Variants in KLHL29 observed in about 807,000 individuals in gnomAD.
The protein encoded by KLHL29 is kelch like family member 29, also known as kelch-like protein 29.
KLHL29 carries 21 observed loss-of-function variants against 80.4 expected under a neutral mutation model. That is an observed-to-expected ratio of 0.26 (90% CI 0.19 to 0.38). The LOEUF (loss-of-function observed/expected upper bound fraction) is 0.38. Ranked by LOEUF, KLHL29 falls within the 10% of genes least tolerant of loss-of-function variation. The pLI is 1.00. For synonymous variants in KLHL29, 511 were observed against 526.8 expected (o/e 0.97, Z 0.41); for missense variants, 867 against 1,223.9 (o/e 0.71, Z 4.35).
intron 2 of KLHL29, among the ~76,000 whole-genome samples, chr2:23,477,909 G>A (rs1664681613): frequency 6.6e-6 from 1 of 152,226 alleles, no homozygotes; most frequent in Non-Finnish European, 1.5e-5. Flanking sequence ...TTGACCCTTA[G>A]TTTGGGGTCT....
chr2:23,674,475 A>G (rs1328059855), intron 5 of KLHL29, among the ~76,000 whole-genome samples: 1 of 152,072 alleles, frequency 6.6e-6, no homozygotes, highest in Admixed American at 6.5e-5. Context: ...GGGCACTCAG[A>G]GCTCTCCAAG....
intron 1 of KLHL29, among the ~76,000 whole-genome samples, chr2:23,403,544 C>T (rs1666645112): frequency 6.6e-6 from 1 of 152,156 alleles, no homozygotes; most frequent in African/African-American, 2.4e-5. Flanking sequence ...TGCCAGCATT[C>T]TCAAATAACT....
chr2:23,575,765 GGA>G (rs1667827400), intron 3 of KLHL29, among the ~76,000 whole-genome samples: 1 of 152,106 alleles, frequency 6.6e-6, no homozygotes, highest in Non-Finnish European at 1.5e-5. Flanking sequence ...TGATAGAGGA[GGA>G]GAGAGAGAGG....
intron 7 of KLHL29, among the ~76,000 whole-genome samples, chr2:23,692,094 T>C (rs1671648284): frequency 6.6e-6 from 1 of 152,208 alleles, no homozygotes; most frequent in African/African-American, 2.4e-5. Flanking sequence ...CTCCGTGTCA[T>C]TTCTCTGTAG....
chr2:23,444,356 T>C (rs62125373), intron 1 of KLHL29, among the ~76,000 whole-genome samples: 9,260 of 152,250 alleles, frequency 0.061, 349 homozygotes, highest in African/African-American at 0.11. Flanking sequence ...TTGTTTTTGC[T>C]CTTGTTGCCC....
intron 1 of KLHL29, among the ~76,000 whole-genome samples, chr2:23,469,026 T>C (rs193180589): frequency 6.6e-6 from 1 of 152,354 alleles, no homozygotes; most frequent in African/African-American, 2.4e-5. Flanking sequence ...TGTTGCTTTC[T>C]TCTCATGGCT....
rs1255596381 is a variant in KLHL29 at position 23,647,606 on chromosome 2, A to G, written c.940+4756A>G. On this transcript the variant is annotated intron_variant, in intron 5 of 13. Coordinates refer to ENST00000486442, the MANE Select transcript of KLHL29 (RefSeq NM_052920.2). The surrounding 1 kb of genome is among the most constrained non-coding windows in gnomAD (Gnocchi z 4.9). ...GGCCTGCACACTGGCCTCCCAGCCCACAGTGCATTCCTTCCAGTCTGGCTC... is the reference window on the plus strand; with the variant it reads ...GGCCTGCACACTGGCCTCCCAGCCCGCAGTGCATTCCTTCCAGTCTGGCTC... Among the ~76,000 whole-genome samples the G allele has an allele frequency of 6.6e-6, 1 of 152,122 alleles. No homozygotes were observed. Among genetic ancestry groups the G allele is most frequent in the Non-Finnish European group, 1.5e-5 (1 of 68,020 alleles).
chr2:23,546,126 CA>C lies in KLHL29; in HGVS notation c.-45-16025del, dbSNP rs1231505435. On this transcript the variant is annotated intron_variant, in intron 2 of 13. Transcript: ENST00000486442. ...CAGACCCTCTCAGGGGCCCTGACCCCATCATCCCCATTGTCCTTAGGGTGCC... is the reference window on the plus strand; with the variant it reads ...CAGACCCTCTCAGGGGCCCTGACCCCTCATCCCCATTGTCCTTAGGGTGCC... 5.9e-5 allele frequency among the ~76,000 whole-genome samples: 9 copies of C among 152,332 alleles called. No individual in the cohort carries two copies. In the South Asian group the frequency reaches 1.7e-3, roughly 28 times the overall value.
At chr2:23,491,454 A>G (rs1011037359) in intron 2 of KLHL29, among the ~76,000 whole-genome samples, 21 of 152,154 alleles carry the variant, frequency 1.4e-4, no homozygotes, top group Non-Finnish European at 2.5e-4. Flanking sequence ...GCAAACCAGT[A>G]GCAGGGCCCT....
In KLHL29 at chr2:23,695,578, T is replaced by G. The variant is rs1469054253; in HGVS notation, c.1543-45T>G. The G allele has an allele frequency of 2.9e-6, 4 of 1,363,380 alleles. No homozygotes were observed. The highest frequency in any genetic ancestry group is 2.5e-5 in the East Asian group (1 of 39,866). 84.5% of individuals were successfully genotyped at this position (1,363,380 alleles called of 1,614,324 possible). On this transcript the variant is annotated intron_variant, in intron 8 of 13. Coordinates refer to ENST00000486442, the MANE Select transcript of KLHL29 (RefSeq NM_052920.2). This position sits in a 1 kb window ranked among gnomAD's most constrained non-coding sequence, Gnocchi z 7.6. ...CATTTCTTTCCGTCCGGGAGGTGGC[T>G]CTCTCTTGCTAGTCTAAGAAGATTC... is the stretch of plus-strand genomic sequence containing the variant.
chr2:23,390,177 G>T (rs1160743077), intron 1 of KLHL29, among the ~76,000 whole-genome samples: 1 of 152,226 alleles, frequency 6.6e-6, no homozygotes, highest in Non-Finnish European at 1.5e-5. Context: ...TTGATCACTG[G>T]AAGTAGCAAC....
At chr2:23,441,616 A>C (rs1341350258) in intron 1 of KLHL29, among the ~76,000 whole-genome samples, 2 of 152,134 alleles carry the variant, frequency 1.3e-5, no homozygotes, top group African/African-American at 4.8e-5. Context: ...TTTGCTCTTC[A>C]TGATGCCAGC....
intron 2 of KLHL29, among the ~76,000 whole-genome samples, chr2:23,517,972 G>A (rs1182934988): frequency 6.6e-6 from 1 of 152,216 alleles, no homozygotes; most frequent in Non-Finnish European, 1.5e-5. Flanking sequence ...GTGCTTCAGT[G>A]TTCTCCTCTT....
intron 3 of KLHL29, among the ~76,000 whole-genome samples, chr2:23,635,424 A>T (rs1572454928): frequency 6.6e-6 from 1 of 152,114 alleles, no homozygotes; most frequent in African/African-American, 2.4e-5. Context: ...GAGTGAACCC[A>T]CGTGTCCTCT....
chr2:23,461,252 G>T (rs557899978), intron 1 of KLHL29, among the ~76,000 whole-genome samples: 2 of 152,170 alleles, frequency 1.3e-5, no homozygotes, highest in African/African-American at 4.8e-5. Flanking sequence ...TTGACATTAC[G>T]TGAGTAGTAA....
At chr2:23,666,949 GGC>G (rs1249409139) in intron 5 of KLHL29, among the ~76,000 whole-genome samples, 1 of 152,258 alleles carries the variant, frequency 6.6e-6, no homozygotes, top group Non-Finnish European at 1.5e-5. Context: ...ATCCCTCCCT[GGC>G]CAGTGGCCTT....
intron 3 of KLHL29, among the ~76,000 whole-genome samples, chr2:23,578,056 T>G (rs984861778): frequency 6.6e-6 from 1 of 152,162 alleles, no homozygotes; most frequent in African/African-American, 2.4e-5. Context: ...TCCCTATCAT[T>G]GGAGTGTTGT....
chr2:23,586,331 T>TC lies in KLHL29; in HGVS notation c.285+23857dup, dbSNP rs200148921. 4.6e-3 allele frequency among the ~76,000 whole-genome samples: 635 copies of TC among 138,878 alleles called. 5 individuals are homozygous for TC. The highest frequency in any genetic ancestry group is 0.016 in the African/African-American group (606 of 36,960). 91.1% of individuals were successfully genotyped at this position (138,878 alleles called of 152,430 possible). ...ATCCCCATACCCATTAAGAGCAGCC[T>TC]CCCCCCCATTCCTTCTACCTAAAAG... On this transcript the variant is annotated intron_variant, in intron 3 of 13. Coordinates refer to ENST00000486442, the MANE Select transcript of KLHL29 (RefSeq NM_052920.2).
chr2:23,684,478 T>C lies in KLHL29; in HGVS notation c.1020T>C (p.Phe340=), dbSNP rs1281067937. The change falls in exon 6 of 14, where the codon TTT becomes TTC. Residue 340 remains phenylalanine, a synonymous_variant. Coordinates refer to ENST00000486442, the MANE Select transcript of KLHL29 (RefSeq NM_052920.2). This position sits in a 1 kb window ranked among gnomAD's most constrained non-coding sequence, Gnocchi z 4.4. ...DLKIVVEGRE[F]EVHQNVLASC... is the part of the protein sequence containing the mutation. Reference sequence around the variant, plus strand: ...AAATTGTTGTTGAAGGCAGAGAGTTTGAAGTCCACCAAAATGTTCTAGCTT... The same window carrying C: ...AAATTGTTGTTGAAGGCAGAGAGTTCGAAGTCCACCAAAATGTTCTAGCTT... 3 of 1,551,252 alleles carry C rather than the reference T, an allele frequency of 1.9e-6. No individual in the cohort carries two copies. Among genetic ancestry groups the C allele is most frequent in the Non-Finnish European group, 2.6e-6 (3 of 1,146,874 alleles).
Sources: gnomAD v4.1 joint callset for allele counts (sites outside exome capture counted in the v4.1 genomes callset) on GRCh38, gnomAD v4.1.1 for gene constraint, Gnocchi (gnomAD v3.1) non-coding constraint, MANE v1.5 for transcripts, NCBI Gene and HGNC (gene_info 2026-07-23, HGNC 2026-07-21) for gene names.